Variants in YIF1B observed in about 807,000 individuals in gnomAD.
YIF1B encodes protein YIF1B.
A neutral mutation model predicts 34.6 loss-of-function variants in YIF1B; 24 were observed. The observed-to-expected ratio is 0.69, with a 90% CI of 0.50 to 0.98. YIF1B has a LOEUF of 0.98. YIF1B is among the 50% of genes least tolerant of loss of function. The pLI, the probability that YIF1B is intolerant of heterozygous loss-of-function variation, is 0.00. For synonymous variants in YIF1B, 186 were observed against 184.8 expected (o/e 1.01, Z -0.05); for missense variants, 368 against 429.4 (o/e 0.86, Z 1.26).
chr19:38,306,017 C>T (rs528279958), intron 7 of YIF1B, among the ~76,000 whole-genome samples: 263 of 152,110 alleles, frequency 1.7e-3, no homozygotes, highest in Middle Eastern at 3.4e-3. Flanking sequence ...TCCTGGCCAA[C>T]ACGATGAAAC....
chr19:38,316,881 G>T (rs151226519), upstream of YIF1B, among the ~76,000 whole-genome samples: 73 of 151,930 alleles, frequency 4.8e-4, no homozygotes, highest in Admixed American at 4.8e-3. Context: ...GGCTGGTCTC[G>T]AATTCCTGGG....
At chr19:38,315,498 C>A (rs1969508611) in intron 1 of YIF1B, 1 of 1,403,228 alleles carries the variant, frequency 7.1e-7, no homozygotes. Context: ...GTAGGCATGG[C>A]CCTCTGCGCT....
intron 1 of YIF1B, among the ~76,000 whole-genome samples, chr19:38,313,074 C>A (rs930564580): frequency 6.6e-6 from 1 of 151,960 alleles, no homozygotes; most frequent in South Asian, 2.1e-4. Flanking sequence ...GCCTCAGCCT[C>A]CTGTGTAGCT....
rs370851309 is a variant in YIF1B at position 38,307,448 on chromosome 19, C to A, written c.769G>T (p.Val257Leu). Residue 257 changes from valine to leucine, a missense_variant, in exon 7 of 8, where the codon GTA becomes TTA. Coordinates refer to ENST00000339413, the MANE Select transcript of YIF1B (RefSeq NM_001039672.3). ...GYYLVLGWCC[V>L]AIFVFMIRTL... ...CTCACCATGAACACAAAGATGGCTA[C>A]GCAGCACCAGCCCAGCACCAGGTAG... is the stretch of plus-strand genomic sequence containing the variant. 1 of 1,613,720 alleles carries A rather than the reference C, an allele frequency of 6.2e-7. No individual in the cohort carries two copies. Among genetic ancestry groups the A allele is most frequent in the Non-Finnish European group, 8.5e-7 (1 of 1,179,964 alleles).
At position 38,304,714 on chromosome 19, in the gene YIF1B, G is replaced by T. The variant is rs975846849; in HGVS notation, c.*638C>A. 1.2e-6 allele frequency: 2 copies of T among 1,613,600 alleles called. No homozygotes were observed. Among genetic ancestry groups the T allele is most frequent in the African/African-American group, 2.7e-5 (2 of 75,046 alleles). ...AAGGGGCTCTCGCCAGCGTCCCCAA[G>T]CACGTGCCCTGCACCCCAGAGAGGC... is the stretch of plus-strand genomic sequence containing the variant. On this transcript the variant is annotated 3_prime_UTR_variant, in exon 8 of 8. Transcript: ENST00000339413.
At chr19:38,307,255 C>A (rs572829499) in intron 7 of YIF1B, 173 bp downstream of exon 7, 1 of 658,488 alleles carries the variant, frequency 1.5e-6, no homozygotes. Flanking sequence ...GCTCAGGATA[C>A]CCCCTCTTCC....
chr19:38,311,581 G>A (rs1228525913), intron 1 of YIF1B, among the ~76,000 whole-genome samples: 1 of 151,988 alleles, frequency 6.6e-6, no homozygotes, highest in Admixed American at 6.5e-5. Context: ...CAAAGTCATA[G>A]TATGAGAGCC....
At chr19:38,309,716 C>T in intron 1 of YIF1B, 73 bp from the exon 2 acceptor site, 2 of 1,519,788 alleles carry the variant, frequency 1.3e-6, no homozygotes, top group Non-Finnish European at 1.8e-6. Context: ...CCTCATTCAT[C>T]CCACAGCTCT....
chr19:38,318,879 G>A (rs78919442), upstream of YIF1B, among the ~76,000 whole-genome samples: 2 of 152,128 alleles, frequency 1.3e-5, no homozygotes, highest in African/African-American at 2.4e-5. Flanking sequence ...CTTACGGGGG[G>A]GCGCAGAAAG....
chr19:38,314,656 C>T (rs1389561723), intron 1 of YIF1B, among the ~76,000 whole-genome samples: 2 of 125,352 alleles, frequency 1.6e-5, no homozygotes, highest in Non-Finnish European at 3.2e-5. Flanking sequence ...CGAAGTCTTG[C>T]TCTGTCGCCC....
In YIF1B at chr19:38,308,793, T is replaced by A. The variant is rs1969174555; in HGVS notation, c.538A>T (p.Arg180Trp). 1 of 1,613,674 alleles carries A rather than the reference T, an allele frequency of 6.2e-7. No individual in the cohort carries two copies. Reference sequence around the variant, plus strand: ...CGGCCTGCCCCAGGCCTCCCTTACCTATCCTGGGTCCCCAGCGCAAGACCA... The same window carrying A: ...CGGCCTGCCCCAGGCCTCCCTTACCAATCCTGGGTCCCCAGCGCAAGACCA... ...VAGLALGTQD[R>W]FSPDLLGLQA... is the part of the protein sequence containing the mutation. Residue 180 changes from arginine (R) to tryptophan (W), a missense_variant and splice_region_variant, in exon 5 of 8, where the codon AGG becomes TGG. Transcript: ENST00000339413.
upstream of YIF1B, chr19:38,319,828 C>T: frequency 3.0e-6 from 3 of 1,010,186 alleles, no homozygotes; most frequent in Non-Finnish European, 4.0e-6. Context: ...TTTCCTCTTC[C>T]TCTTGGGGCA....
At chr19:38,315,391 T>C in intron 1 of YIF1B, 2 of 1,180,906 alleles carry the variant, frequency 1.7e-6, no homozygotes, top group African/African-American at 1.6e-5. Flanking sequence ...ACAAGTTAGG[T>C]TGAATGAATA....
Position 38,307,650 on chromosome 19 carries a change from G to T in YIF1B, c.642C>A (p.Asn214Lys), listed in dbSNP as rs377205248. ...ILLSLYLVTV[N>K]TDLTTIDLVA... ...CCAGGTCGATGGTGGTGAGGTCGGT[G>T]TTGACAGTGACCAGATAGAGGCTGA... Residue 214 changes from asparagine (N) to lysine (K), a missense_variant, in exon 6 of 8, where the codon AAC becomes AAA. Physicochemically the swap from Asn to Lys is moderately conservative, Grantham distance 94. Transcript: ENST00000339413. 109 of 1,613,824 alleles carry T rather than the reference G, an allele frequency of 6.8e-5. No individual in the cohort carries two copies. The highest frequency in any genetic ancestry group is 8.6e-5 in the Non-Finnish European group (102 of 1,180,038).
chr19:38,311,467 A>C (rs1314035091), intron 1 of YIF1B, among the ~76,000 whole-genome samples: 1 of 152,194 alleles, frequency 6.6e-6, no homozygotes, highest in Admixed American at 6.5e-5. Flanking sequence ...GGATGAACTC[A>C]TCTCATCTTC....
chr19:38,304,386 A>T lies in YIF1B; in HGVS notation c.*966T>A, dbSNP rs1259333355. 1.9e-6 allele frequency: 3 copies of T among 1,580,214 alleles called. No individual in the cohort carries two copies. The highest frequency in any genetic ancestry group is 1.9e-5 in the Admixed American group (1 of 53,348). ...ACTTCTCTCCACAGCCCTGGAGCCC[A>T]CCTCCCAGAAGCCCGGTGTGGGGGC... On this transcript the variant is annotated 3_prime_UTR_variant, in exon 8 of 8. Transcript: ENST00000339413.
chr19:38,319,063 A>G (rs1418763399), upstream of YIF1B, among the ~76,000 whole-genome samples: 1 of 151,808 alleles, frequency 6.6e-6, no homozygotes, highest in African/African-American at 2.4e-5. Context: ...CCCTGATTCC[A>G]GGCTTGATCA....
At chr19:38,306,613 A>C (rs1259969337) in intron 7 of YIF1B, 2 of 209,170 alleles carry the variant, frequency 9.6e-6, no homozygotes, top group Non-Finnish European at 1.9e-5. Flanking sequence ...CTCACAGTGA[A>C]TCCTCCCAGC....
chr19:38,319,899 G>T (rs1267540531), upstream of YIF1B: 1 of 1,362,000 alleles, frequency 7.3e-7, no homozygotes, highest in Non-Finnish European at 9.4e-7. Context: ...GTCCGGAGGC[G>T]GGGGCCACGT....
Sources: gnomAD v4.1 joint callset for allele counts (sites outside exome capture counted in the v4.1 genomes callset) on GRCh38, gnomAD v4.1.1 for gene constraint, MANE v1.5 for transcripts, NCBI Gene and HGNC (gene_info 2026-07-23, HGNC 2026-07-21) for gene names.